SYN2: variants seen among roughly 807,000 people sequenced by gnomAD.
SYN2 encodes synapsin II.
In SYN2, 19 loss-of-function variants were observed where a neutral mutation model predicts 50.9. The ratio of observed to expected loss-of-function variants is 0.37; its 90% CI spans 0.26 to 0.55. The LOEUF (loss-of-function observed/expected upper bound fraction) is 0.55, where lower values mean the gene tolerates loss of function less well. Among genes scored for constraint, SYN2 ranks in the 20% least tolerant of loss-of-function variants. The pLI, the probability that SYN2 is intolerant of heterozygous loss-of-function variation, is 0.81. For missense variants in SYN2, 587 were observed against 576.4 expected, an observed-to-expected ratio of 1.02 and a Z score of -0.19; for synonymous variants, 255 against 224.9, an observed-to-expected ratio of 1.13 and a Z score of -1.20.
At chr3:12,043,084 G>A (rs1287315311) in intron 1 of SYN2, among the ~76,000 whole-genome samples, 1 of 151,510 alleles carries the variant, frequency 6.6e-6, no homozygotes, top group Non-Finnish European at 1.5e-5. Context: ...GTGCGATGGG[G>A]TGATCACAGC....
chr3:12,190,674 A>G lies in SYN2; in HGVS notation c.*49A>G. On this transcript the variant is annotated 3_prime_UTR_variant, in exon 13 of 13. Transcript: ENST00000621198. ...AGCCCAACCGGGAAAGGCATCTAAG[A>G]CATTCACCAACAACAGTCAGCCAGC... 2 of 1,594,488 alleles carry G rather than the reference A, an allele frequency of 1.3e-6. No individual in the cohort carries two copies. The highest frequency in any genetic ancestry group is 1.7e-6 in the Non-Finnish European group (2 of 1,171,032).
At chr3:12,157,611 G>T in intron 5 of SYN2, 1 of 787,720 alleles carries the variant, frequency 1.3e-6, no homozygotes, top group Non-Finnish European at 2.1e-6. Context: ...TGGGTTGTGA[G>T]CAACGTGATG....
chr3:12,035,813 G>C (rs540528394), intron 1 of SYN2, among the ~76,000 whole-genome samples: 12 of 152,196 alleles, frequency 7.9e-5, no homozygotes, highest in Non-Finnish European at 1.6e-4. Context: ...TTAGAACAAA[G>C]AATGGTGGAA....
At chr3:12,070,839 C>G (rs1179224195) in intron 1 of SYN2, 4 of 592,094 alleles carry the variant, frequency 6.8e-6, no homozygotes, top group Non-Finnish European at 9.9e-6. Flanking sequence ...ACAGCTTCAA[C>G]ACCATGGCTG....
intron 1 of SYN2, among the ~76,000 whole-genome samples, chr3:12,071,870 G>C (rs1042869541): frequency 1.3e-5 from 2 of 152,176 alleles, no homozygotes; most frequent in African/African-American, 4.8e-5. Context: ...ATGTTTTCCT[G>C]CCAGAACACC....
chr3:12,038,107 A>G (rs530345708), intron 1 of SYN2, among the ~76,000 whole-genome samples: 5 of 152,268 alleles, frequency 3.3e-5, no homozygotes, highest in African/African-American at 1.2e-4. Flanking sequence ...GTCCAAATTC[A>G]TTCCTTAGCA....
Position 12,096,809 on chromosome 3 carries a change from GA to G in SYN2, c.378-43834del, listed in dbSNP as rs1176016369. Among the ~76,000 whole-genome samples, 13 of 151,438 alleles carry G rather than the reference GA, an allele frequency of 8.6e-5. No individual in the cohort carries two copies. The East Asian group carries it at 1.6e-3, about 18-fold the overall frequency. On this transcript the variant is annotated intron_variant, in intron 1 of 12. Transcript: ENST00000621198. ...AGAGAGGTTAAATAGATTTAAGCAG[GA>G]AAAAAAATGAACTTGAAAATAGATC...
chr3:12,036,054 G>A (rs1165473277), intron 1 of SYN2, among the ~76,000 whole-genome samples: 2 of 152,166 alleles, frequency 1.3e-5, no homozygotes, highest in East Asian at 3.8e-4. Context: ...TTTAAAGCCA[G>A]CTAGGTGCCT....
rs532128099 is a variant in SYN2, at chr3:12,035,117, A to G, written c.377+30189A>G. On this transcript the variant is annotated intron_variant, in intron 1 of 12. Coordinates refer to ENST00000621198, the MANE Select transcript of SYN2 (RefSeq NM_133625.6). ...GAAATAGGCAAGAAAAAGGGGTGAC[A>G]GGTCCCAAGTAAGTCCAAAACCCAA... Among the ~76,000 whole-genome samples the G allele has an allele frequency of 2.0e-5, 3 of 152,336 alleles. No homozygotes were observed. In the East Asian group the frequency reaches 5.8e-4, roughly 29 times the overall value.
intron 1 of SYN2, among the ~76,000 whole-genome samples, chr3:12,091,149 ATTTAAG>A (rs1197134999): frequency 1.6e-4 from 25 of 152,264 alleles, no homozygotes; most frequent in Admixed American, 5.2e-4. Flanking sequence ...TTGTAGAGAA[ATTTAAG>A]TTTATGTTTT....
chr3:12,099,728 G>A (rs1444245274), intron 1 of SYN2, among the ~76,000 whole-genome samples: 2 of 152,178 alleles, frequency 1.3e-5, no homozygotes, highest in East Asian at 3.9e-4. Context: ...ACTTTGGGAG[G>A]CCGAAATGGG....
intron 1 of SYN2, among the ~76,000 whole-genome samples, chr3:12,075,524 G>A (rs1288705509): frequency 6.6e-6 from 1 of 152,058 alleles, no homozygotes; most frequent in Admixed American, 6.6e-5. Context: ...TATAGTAGAA[G>A]AATGAAATAA....
intron 1 of SYN2, among the ~76,000 whole-genome samples, chr3:12,110,129 A>C (rs1899402): frequency 0.036 from 5,483 of 152,274 alleles, 300 homozygotes; most frequent in African/African-American, 0.12. Context: ...TCAAGTGTAC[A>C]GTGAGCTGTG....
chr3:12,178,986 G>A (rs1366809078), intron 10 of SYN2, among the ~76,000 whole-genome samples: 2 of 152,184 alleles, frequency 1.3e-5, no homozygotes, highest in Non-Finnish European at 2.9e-5. Flanking sequence ...ATCAGCAGAG[G>A]CGAAGGTAAG....
At chr3:12,100,545 T>C (rs1696050082) in intron 1 of SYN2, among the ~76,000 whole-genome samples, 1 of 152,148 alleles carries the variant, frequency 6.6e-6, no homozygotes, top group African/African-American at 2.4e-5. Flanking sequence ...TATTAAATCT[T>C]AGTGACCTTG....
At chr3:12,024,660 A>G (rs774907247) in intron 1 of SYN2, among the ~76,000 whole-genome samples, 1 of 152,190 alleles carries the variant, frequency 6.6e-6, no homozygotes, top group African/African-American at 2.4e-5. Flanking sequence ...CATTCTCTGA[A>G]TATATCACAG....
chr3:12,044,120 C>G (rs1694679566), intron 1 of SYN2, among the ~76,000 whole-genome samples: 1 of 150,956 alleles, frequency 6.6e-6, no homozygotes, highest in African/African-American at 2.4e-5. Flanking sequence ...TCCTTCTTCC[C>G]CACTTTCCAG....
Position 12,190,436 on chromosome 3 carries a change from C to T in SYN2, c.1614-54C>T. On this transcript the variant is annotated intron_variant, in intron 12 of 12. Transcript: ENST00000621198. ...TGTATCCTCACGTCACCGTCCTTCC[C>T]TGCCTTGCTGGGAACACCACCCTCT... 3 of 1,604,742 alleles carry T rather than the reference C, an allele frequency of 1.9e-6. No individual in the cohort carries two copies. In the South Asian group the frequency reaches 3.3e-5, roughly 18 times the overall value.
At chr3:12,088,021 G>A (rs926131548) in intron 1 of SYN2, among the ~76,000 whole-genome samples, 6 of 152,032 alleles carry the variant, frequency 3.9e-5, no homozygotes, top group Non-Finnish European at 8.8e-5. Context: ...TGACTTCTTG[G>A]ACAGGACCCC....
Sources: allele counts gnomAD v4.1 joint callset (sites outside exome capture counted in the v4.1 genomes callset), GRCh38; gene constraint gnomAD v4.1.1; transcripts MANE v1.5; gene names NCBI Gene and HGNC (gene_info 2026-07-23, HGNC 2026-07-21).